Variants in MAPRE3 observed in about 807,000 individuals in gnomAD.
The protein encoded by MAPRE3 is microtubule-associated protein RP/EB family member 3.
In MAPRE3, 2 loss-of-function variants were observed where a neutral mutation model predicts 30.5. The ratio of observed to expected loss-of-function variants is 0.07; its 90% confidence interval spans 0.03 to 0.21. MAPRE3 has a LOEUF of 0.21. MAPRE3 is among the 10% of genes least tolerant of loss of function. The pLI, the probability that MAPRE3 is intolerant of heterozygous loss-of-function variation, is 1.00. For synonymous variants in MAPRE3, 110 were observed against 127.7 expected, an observed-to-expected ratio of 0.86 and a Z score of 0.93; for missense variants, 204 against 351.8, an observed-to-expected ratio of 0.58 and a Z score of 3.36.
At chr2:27,026,064 C>A in intron 6 of MAPRE3, 32 bp downstream of exon 6, 1 of 1,613,086 alleles carries the variant, frequency 6.2e-7, no homozygotes, top group Non-Finnish European at 8.5e-7. Flanking sequence ...GGGCCCTCCC[C>A]AGTCTGGCCT....
In MAPRE3 at chr2:26,985,175, G is replaced by A. The variant is rs1666193431; in HGVS notation, c.-8+14373G>A. ...TCATTTGCTTAGTACCGTTTAGGTA[G>A]ATGGTGCTTCGGCCCTGAGAGAGAT... On this transcript the variant is annotated intron_variant, in intron 1 of 6. Coordinates refer to ENST00000233121, the MANE Select transcript of MAPRE3 (RefSeq NM_012326.4). The surrounding 1 kb of genome is among the most constrained non-coding windows in gnomAD (Gnocchi z 4.2). Among the ~76,000 whole-genome samples the A allele has an allele frequency of 6.6e-6, 1 of 152,214 alleles. No homozygotes were observed. Among genetic ancestry groups the A allele is most frequent in the African/African-American group, 2.4e-5 (1 of 41,450 alleles).
intron 1 of MAPRE3, chr2:27,013,948 C>T (rs1666921246): frequency 6.6e-6 from 1 of 152,236 alleles, no homozygotes; most frequent in Admixed American, 6.5e-5. Context: ...CATTCTGATG[C>T]TTCATGAGAA....
At chr2:26,972,600 A>C (rs866642445) in intron 1 of MAPRE3, among the ~76,000 whole-genome samples, 1 of 152,202 alleles carries the variant, frequency 6.6e-6, no homozygotes, top group Non-Finnish European at 1.5e-5. Context: ...TGTGTCACAT[A>C]GCTCACCAAA....
intron 1 of MAPRE3, among the ~76,000 whole-genome samples, chr2:27,000,089 A>G (rs1280695143): frequency 6.6e-6 from 1 of 152,230 alleles, no homozygotes; most frequent in African/African-American, 2.4e-5. Flanking sequence ...CTTCACAAAA[A>G]TTTTTAAGAT....
At chr2:26,997,320 A>G (rs985403802) in intron 1 of MAPRE3, among the ~76,000 whole-genome samples, 1 of 152,146 alleles carries the variant, frequency 6.6e-6, no homozygotes, top group African/African-American at 2.4e-5. Flanking sequence ...GTGGCCCAAC[A>G]CAAATTTGTA....
chr2:26,995,865 T>C (rs1666448296), intron 1 of MAPRE3, among the ~76,000 whole-genome samples: 1 of 137,814 alleles, frequency 7.3e-6, no homozygotes, highest in South Asian at 2.5e-4. Flanking sequence ...CCCCACAAGA[T>C]ACTAATGGGC....
At chr2:26,993,642 C>G (rs1200050291) in intron 1 of MAPRE3, among the ~76,000 whole-genome samples, 2 of 152,166 alleles carry the variant, frequency 1.3e-5, no homozygotes, top group East Asian at 3.9e-4. Flanking sequence ...CCTGATGTCC[C>G]TAACACTTCA....
At chr2:27,013,281 C>T (rs1197749000) in intron 1 of MAPRE3, 1 of 152,284 alleles carries the variant, frequency 6.6e-6, no homozygotes, top group Non-Finnish European at 1.5e-5. Flanking sequence ...CCAGGTTCCA[C>T]TCTCGGAACC....
intron 1 of MAPRE3, among the ~76,000 whole-genome samples, chr2:26,977,169 A>G (rs930408669): frequency 6.6e-6 from 1 of 152,248 alleles, no homozygotes; most frequent in Non-Finnish European, 1.5e-5. Context: ...GTGCCAAGTC[A>G]TAAGTGATTG....
chr2:27,009,308 G>A (rs915105495), intron 1 of MAPRE3, among the ~76,000 whole-genome samples: 1 of 152,204 alleles, frequency 6.6e-6, no homozygotes, highest in African/African-American at 2.4e-5. Context: ...AGCTGGATGA[G>A]TAGACATGAA....
At chr2:27,025,362 T>C (rs537498933) in intron 4 of MAPRE3, among the ~76,000 whole-genome samples, 1 of 152,306 alleles carries the variant, frequency 6.6e-6, no homozygotes, top group East Asian at 1.9e-4. Flanking sequence ...CCCTATAGTT[T>C]CTGCTCTCCC....
chr2:26,973,475 C>T lies in MAPRE3; in HGVS notation c.-8+2673C>T, dbSNP rs540551951. On this transcript the variant is annotated intron_variant, in intron 1 of 6. Transcript: ENST00000233121. Reference sequence around the variant, plus strand: ...TCCAGAAACTGAGCCAACTAACTGGCAGCAAACGTCTTATGAGCTATTCCT... The same window carrying T: ...TCCAGAAACTGAGCCAACTAACTGGTAGCAAACGTCTTATGAGCTATTCCT... Among the ~76,000 whole-genome samples, 20 of 152,090 alleles carry T rather than the reference C, an allele frequency of 1.3e-4. No individual in the cohort carries two copies. The South Asian group carries it at 3.7e-3, about 28-fold the overall frequency.
In MAPRE3 at chr2:27,026,356, C is replaced by T. The variant is rs202113241; in HGVS notation, c.*8C>T. 2.4e-5 allele frequency: 39 copies of T among 1,611,392 alleles called. No homozygotes were observed. The highest frequency in any genetic ancestry group is 3.3e-5 in the South Asian group (3 of 90,876). Reference sequence around the variant, plus strand: ...GACCAGGACGAGTACTGAGGGCGGCCGCAGCCCTGGCTGACTGCACAGCTT... The same window carrying T: ...GACCAGGACGAGTACTGAGGGCGGCTGCAGCCCTGGCTGACTGCACAGCTT... On this transcript the variant is annotated 3_prime_UTR_variant, in exon 7 of 7. Coordinates refer to ENST00000233121, the MANE Select transcript of MAPRE3 (RefSeq NM_012326.4).
intron 1 of MAPRE3, among the ~76,000 whole-genome samples, chr2:27,000,936 T>A (rs538502690): frequency 6.6e-6 from 1 of 152,382 alleles, no homozygotes; most frequent in African/African-American, 2.4e-5. Flanking sequence ...TTTTATTTTT[T>A]AATATTTTTT....
intron 1 of MAPRE3, among the ~76,000 whole-genome samples, chr2:26,999,209 A>G (rs561144787): frequency 2.2e-4 from 33 of 152,190 alleles, no homozygotes; most frequent in Non-Finnish European, 4.1e-4. Flanking sequence ...AGAGATATAG[A>G]GAGCCATTGG....
intron 1 of MAPRE3, among the ~76,000 whole-genome samples, chr2:26,999,939 C>T (rs1295881163): frequency 6.6e-6 from 1 of 151,946 alleles, no homozygotes; most frequent in Non-Finnish European, 1.5e-5. Flanking sequence ...TCATTTTTTC[C>T]ACATTATCAT....
At chr2:26,977,507 G>T (rs1427234778) in intron 1 of MAPRE3, among the ~76,000 whole-genome samples, 2 of 152,130 alleles carry the variant, frequency 1.3e-5, no homozygotes, top group African/African-American at 4.8e-5. Flanking sequence ...TGGTGTGGAT[G>T]TGCACCTGTC....
At chr2:26,979,821 T>C (rs1230084630) in intron 1 of MAPRE3, among the ~76,000 whole-genome samples, 1 of 152,012 alleles carries the variant, frequency 6.6e-6, no homozygotes, top group African/African-American at 2.4e-5. Context: ...TAACCAGAAA[T>C]TAGGAAGTTT....
At chr2:27,017,532 A>C (rs1667016115) in intron 1 of MAPRE3, among the ~76,000 whole-genome samples, 1 of 152,192 alleles carries the variant, frequency 6.6e-6, no homozygotes, top group African/African-American at 2.4e-5. Context: ...GGCATTTTTC[A>C]AGCCGCTATG....
Sources: gnomAD v4.1 joint callset for allele counts (sites outside exome capture counted in the v4.1 genomes callset) on GRCh38, gnomAD v4.1.1 for gene constraint, Gnocchi (gnomAD v3.1) non-coding constraint, MANE v1.5 for transcripts, NCBI Gene and HGNC (gene_info 2026-07-23, HGNC 2026-07-21) for gene names.